ALLC: variants seen among roughly 807,000 people sequenced by gnomAD.
The protein encoded by ALLC is probable inactive allantoicase.
In ALLC, 40 loss-of-function variants were observed where a neutral mutation model predicts 45.0. That is an observed-to-expected ratio of 0.89 (90% CI 0.69 to 1.16). The LOEUF is 1.16. ALLC is among the 50% of genes most tolerant of loss of function. The probability of loss-of-function intolerance (pLI) is 0.00; values close to 1 mark genes in which losing one functional copy is unlikely to be tolerated. For synonymous variants in ALLC, 176 were observed against 178.1 expected (o/e 0.99, Z 0.09); for missense variants, 488 against 493.1 (o/e 0.99, Z 0.10).
At chr2:3,658,477 C>G (rs1450022086) in intron 1 of ALLC, among the ~76,000 whole-genome samples, 183 bp downstream of exon 1, 2 of 152,234 alleles carry the variant, frequency 1.3e-5, no homozygotes, top group Non-Finnish European at 1.5e-5. Context: ...GGGCGTGGCC[C>G]AAACACCTGG....
the ALLC span, among the ~76,000 whole-genome samples, chr2:3,649,046 T>C: frequency 0.79 from 120,398 of 152,048 alleles, 47,928 homozygotes; most frequent in African/African-American, 0.84. Context: ...GACAGTACGT[T>C]CTCATGCACG....
In ALLC at chr2:3,671,083, C is replaced by G. The variant is rs1488947389; in HGVS notation, c.-62-13C>G. The G allele has an allele frequency of 6.5e-7, 1 of 1,549,884 alleles. No homozygotes were observed. Among genetic ancestry groups the G allele is most frequent in the African/African-American group, 1.4e-5 (1 of 73,536 alleles). On this transcript the variant is annotated splice_polypyrimidine_tract_variant and intron_variant, in intron 1 of 11. Coordinates refer to ENST00000252505, the MANE Select transcript of ALLC (RefSeq NM_018436.4). Reference sequence around the variant, plus strand: ...AGCCCCCAAGGTTGACCGAGCTGCCCTCTCCCTTCCAGGAAGCACGGCTGA... The same window carrying G: ...AGCCCCCAAGGTTGACCGAGCTGCCGTCTCCCTTCCAGGAAGCACGGCTGA...
intron 7 of ALLC, chr2:3,688,217 G>T: frequency 5.9e-6 from 1 of 170,628 alleles, no homozygotes; most frequent in South Asian, 1.3e-4. Flanking sequence ...CCGCCTTTTT[G>T]ATGGTGTCAT....
chr2:3,651,295 TTTGGGTGGGTGGG>T, the ALLC span, among the ~76,000 whole-genome samples: 1,120 of 4,430 alleles, frequency 0.25, 236 homozygotes, highest in East Asian at 0.38. Context: ...GGGAATTCTT[TTTGGGTGGGTGGG>T]TGGGTGGGGG....
At chr2:3,690,692 T>A (rs1163678426) in intron 7 of ALLC, among the ~76,000 whole-genome samples, 1 of 151,814 alleles carries the variant, frequency 6.6e-6, no homozygotes, top group African/African-American at 2.4e-5. Context: ...AACTCTACAT[T>A]TTTAACTTTA....
intron 2 of ALLC, among the ~76,000 whole-genome samples, chr2:3,673,344 C>T (rs777091637): frequency 6.6e-6 from 1 of 152,226 alleles, no homozygotes; most frequent in Non-Finnish European, 1.5e-5. Context: ...CTGATATGTC[C>T]ACCTACCTGC....
chr2:3,677,909 C>T (rs890015073), intron 3 of ALLC, among the ~76,000 whole-genome samples: 1 of 152,348 alleles, frequency 6.6e-6, no homozygotes, highest in Admixed American at 6.5e-5. Context: ...CTTCATGACA[C>T]TCCTGCGAGG....
At chr2:3,651,295 T>TTGGA in the ALLC span, among the ~76,000 whole-genome samples, 3 of 4,560 alleles carry the variant, frequency 6.6e-4, no homozygotes, top group Admixed American at 3.5e-3. Context: ...GGGAATTCTT[T>TTGGA]TTGGGTGGGT....
intron 1 of ALLC, among the ~76,000 whole-genome samples, chr2:3,669,633 G>A (rs536670916): frequency 6.6e-6 from 1 of 152,304 alleles, no homozygotes; most frequent in South Asian, 2.1e-4. Context: ...GGGTGACAGA[G>A]GGAGACTCCA....
chr2:3,692,934 C>T (rs1667561406), intron 7 of ALLC, among the ~76,000 whole-genome samples: 1 of 152,140 alleles, frequency 6.6e-6, no homozygotes, highest in African/African-American at 2.4e-5. Context: ...TCACCCAGGG[C>T]TTAGCCTCAG....
intron 1 of ALLC, among the ~76,000 whole-genome samples, chr2:3,668,240 A>G (rs1009186786): frequency 2.6e-5 from 4 of 152,152 alleles, no homozygotes; most frequent in Non-Finnish European, 5.9e-5. Flanking sequence ...GGAGGGAGGC[A>G]AGGAGCAAAC....
At chr2:3,690,683 A>C (rs1442345730) in intron 7 of ALLC, among the ~76,000 whole-genome samples, 7 of 151,248 alleles carry the variant, frequency 4.6e-5, no homozygotes, top group South Asian at 2.1e-4. Flanking sequence ...ACAAAAAAAA[A>C]CTCTACATTT....
upstream of ALLC, among the ~76,000 whole-genome samples, chr2:3,656,445 T>G (rs1211290298): frequency 6.6e-6 from 1 of 152,268 alleles, no homozygotes; most frequent in East Asian, 1.9e-4. Flanking sequence ...CAGCCCAGCC[T>G]GTCGCCTCTG....
rs186403781 is a variant in ALLC at position 3,666,406 on chromosome 2, G to A, written c.-62-4690G>A. Among the ~76,000 whole-genome samples the A allele has an allele frequency of 7.8e-4, 119 of 152,354 alleles. 1 individual carries two copies. The highest frequency in any genetic ancestry group is 3.4e-3 in the Middle Eastern group (1 of 294). On this transcript the variant is annotated intron_variant, in intron 1 of 11. Coordinates refer to ENST00000252505, the MANE Select transcript of ALLC (RefSeq NM_018436.4). ...CTGGCCCAGCACTGCGTGATTTTGC[G>A]TGGAGCAGAGGACAATGATGAAGGG...
At chr2:3,695,899 T>C in intron 8 of ALLC, 27 bp downstream of exon 8, 1 of 1,578,944 alleles carries the variant, frequency 6.3e-7, no homozygotes, top group South Asian at 1.2e-5. Context: ...GGAGCTGGCT[T>C]ATTTAGGAAG....
In ALLC at chr2:3,680,560, CAAAG is replaced by C. The variant is rs752980497; in HGVS notation, c.298+572_298+575del. Among the ~76,000 whole-genome samples the C allele has an allele frequency of 9.9e-5, 15 of 152,272 alleles. No homozygotes were observed. In the East Asian group the frequency reaches 2.9e-3, roughly 29 times the overall value. On this transcript the variant is annotated intron_variant, in intron 5 of 11. Coordinates refer to ENST00000252505, the MANE Select transcript of ALLC (RefSeq NM_018436.4). The surrounding 1 kb of genome is among the most constrained non-coding windows in gnomAD (Gnocchi z 4.0). ...TCAGGTGCTGAAGAAGCCAAGAAAC[CAAAG>C]AAAGAGGCTGACAAATCCAGTCTGT...
chr2:3,657,274 C>G (rs887134357), upstream of ALLC, among the ~76,000 whole-genome samples: 1 of 152,144 alleles, frequency 6.6e-6, no homozygotes, highest in African/African-American at 2.4e-5. Context: ...GGCCTTGAGC[C>G]GGCCTTTCAA....
chr2:3,657,228 G>C (rs1426729629), upstream of ALLC, among the ~76,000 whole-genome samples: 3 of 138,988 alleles, frequency 2.2e-5, no homozygotes, highest in African/African-American at 1.0e-4. Context: ...GCTGAGAGAC[G>C]GGCTGGGGTT....
chr2:3,697,200 A>T, intron 9 of ALLC, 148 bp from the exon 10 acceptor site: 1 of 556,228 alleles, frequency 1.8e-6, no homozygotes, highest in Non-Finnish European at 3.2e-6. Context: ...TTTACATGAA[A>T]GTGATTTACA....
Sources: gnomAD v4.1 joint callset for allele counts (sites outside exome capture counted in the v4.1 genomes callset) on GRCh38, gnomAD v4.1.1 for gene constraint, Gnocchi (gnomAD v3.1) non-coding constraint, MANE v1.5 for transcripts, NCBI Gene and HGNC (gene_info 2026-07-23, HGNC 2026-07-21) for gene names.